NVL: variants seen among roughly 807,000 people sequenced by gnomAD.
NVL encodes nuclear VCP like.
NVL carries 84 observed loss-of-function variants against 110.2 expected under a neutral mutation model. That is an observed-to-expected ratio of 0.76 (90% CI 0.64 to 0.91). The LOEUF is 0.91. NVL is among the 40% of genes least tolerant of loss of function. The pLI is 0.00. For missense variants in NVL, 882 were observed against 1,035.9 expected (o/e 0.85, Z 2.04); for synonymous variants, 354 against 361.1 (o/e 0.98, Z 0.22).
chr1:224,236,123 T>G (rs1660443733), intron 20 of NVL, among the ~76,000 whole-genome samples: 1 of 152,088 alleles, frequency 6.6e-6, no homozygotes, highest in Admixed American at 6.6e-5. Context: ...AAGGCAGAAA[T>G]GTCAGATTTC....
chr1:224,233,584 G>A (rs1327548057), intron 20 of NVL, among the ~76,000 whole-genome samples: 1 of 151,990 alleles, frequency 6.6e-6, no homozygotes, highest in Non-Finnish European at 1.5e-5. Flanking sequence ...ATGGAGAAAT[G>A]CCATATCTAC....
At chr1:224,233,382 AAATAATCAGGAG>A in intron 20 of NVL, 93 bp from the exon 21 acceptor site, 1 of 857,204 alleles carries the variant, frequency 1.2e-6, no homozygotes, top group Middle Eastern at 2.4e-4. Context: ...GTCATATATT[AAATAATCAGGAG>A]AAAAAGTGAC....
Position 224,236,563 on chromosome 1 carries a change from A to G in NVL, c.2309T>C (p.Leu770Pro), listed in dbSNP as rs758743396. ...TGCTTCCAAATTTACATCTGCATCC[A>G]GTGGTGGTTTGGTACCATTCTAAGT... ...TITKNGTKPPLDADVNLEAIA... is the reference protein window; with the variant it reads ...TITKNGTKPPPDADVNLEAIA... The change falls in exon 20 of 23, where the codon CTG becomes CCG. Residue 770 changes from leucine to proline, a missense_variant. Leu to Pro is a moderately conservative substitution (Grantham distance 98). This residue lies in a region of NVL where 126 missense variants were observed against 140.7 expected (regional missense o/e 0.90). Transcript: ENST00000281701. 3 of 1,613,866 alleles carry G rather than the reference A, an allele frequency of 1.9e-6. No individual in the cohort carries two copies. The South Asian group carries it at 3.3e-5, about 18-fold the overall frequency.
chr1:224,299,528 C>T (rs1668193463), intron 10 of NVL, among the ~76,000 whole-genome samples: 1 of 152,150 alleles, frequency 6.6e-6, no homozygotes, highest in Non-Finnish European at 1.5e-5. Flanking sequence ...TGGCTCAGTA[C>T]TGGTTTAGTG....
chr1:224,270,533 G>A (rs1352319736), intron 17 of NVL, among the ~76,000 whole-genome samples: 1 of 152,086 alleles, frequency 6.6e-6, no homozygotes, highest in African/African-American at 2.4e-5. Context: ...ATTCCAGCCT[G>A]GGCGACGGAG....
At chr1:224,317,144 A>G (rs1185869830) in intron 4 of NVL, among the ~76,000 whole-genome samples, 1 of 135,202 alleles carries the variant, frequency 7.4e-6, no homozygotes, top group Non-Finnish European at 1.5e-5. Flanking sequence ...ATCTCAAAAG[A>G]AAAAAAAAAA....
At chr1:224,250,462 T>A (rs1662344947) in intron 18 of NVL, 144 bp from the exon 19 acceptor site, 19 of 603,226 alleles carry the variant, frequency 3.1e-5, no homozygotes, top group Non-Finnish European at 4.7e-5. Flanking sequence ...CCTCCCAGGC[T>A]CAGATGATTC....
rs185733005 is a variant in NVL at position 224,263,936 on chromosome 1, A to G, written c.2182+4098T>C. Among the ~76,000 whole-genome samples the G allele has an allele frequency of 6.2e-3, 945 of 152,280 alleles. 5 individuals carry two copies. The highest frequency in any genetic ancestry group is 0.021 in the African/African-American group (883 of 41,566). ...AGGCTGAGGCAGGAGAATCACTTGA[A>G]CCTGGGAGGCAGAAGTTGCGGTGAG... On this transcript the variant is annotated intron_variant, in intron 18 of 22. Transcript: ENST00000281701.
intron 18 of NVL, among the ~76,000 whole-genome samples, chr1:224,261,036 C>G (rs1290355348): frequency 1.3e-5 from 2 of 152,038 alleles, no homozygotes; most frequent in African/African-American, 4.8e-5. Context: ...CTACCACGCC[C>G]AGCTGATTTT....
rs756639255 is a variant in NVL at position 224,317,704 on chromosome 1, C to T, written c.274G>A (p.Glu92Lys). The T allele has an allele frequency of 3.1e-6, 5 of 1,592,700 alleles. No homozygotes were observed. In the Admixed American group the frequency reaches 6.7e-5, roughly 21 times the overall value. ...ATTTGGTATACTTACTCATTATCCT[C>T]TTCACCTTGTCTTGCCCTTTTTGCC... is the stretch of plus-strand genomic sequence containing the variant. ...HLAKRARQGE[E>K]DNEYTESYSD... The change falls in exon 4 of 23, where the codon GAG (glutamate) becomes AAG (lysine). Residue 92 changes from glutamate (E) to lysine (K), a missense_variant. Glu to Lys is a moderately conservative substitution (Grantham distance 56, BLOSUM62 1). Around this residue, in one of 4 missense-constraint regions of NVL, gnomAD observed 274 missense variants for 268.4 expected, o/e 1.02. Coordinates refer to ENST00000281701, the MANE Select transcript of NVL (RefSeq NM_002533.4).
intron 22 of NVL, among the ~76,000 whole-genome samples, chr1:224,229,907 G>C (rs1399558197): frequency 6.6e-6 from 1 of 151,924 alleles, no homozygotes; most frequent in Non-Finnish European, 1.5e-5. Context: ...TCATGGCTCA[G>C]TGTAGCCTCA....
chr1:224,238,186 A>C (rs1571777282), intron 19 of NVL, among the ~76,000 whole-genome samples: 1 of 151,744 alleles, frequency 6.6e-6, no homozygotes, highest in Non-Finnish European at 1.5e-5. Flanking sequence ...GGCACCCACC[A>C]CACACCTGGC....
chr1:224,233,312 T>C (rs749973093), intron 20 of NVL, 23 bp from the exon 21 acceptor site: 23 of 1,568,766 alleles, frequency 1.5e-5, no homozygotes, highest in Non-Finnish European at 2.0e-5. Context: ...AATAGTTATC[T>C]ACTTATTCTT....
intron 2 of NVL, among the ~76,000 whole-genome samples, chr1:224,321,245 C>A (rs528865081): frequency 6.6e-6 from 1 of 151,170 alleles, no homozygotes; most frequent in East Asian, 2.0e-4. Flanking sequence ...ACTGTGTCTC[C>A]AAAAAATAAA....
chr1:224,304,730 A>T lies in NVL; in HGVS notation c.825+6T>A, dbSNP rs1023762983. 2 of 1,609,980 alleles carry T rather than the reference A, an allele frequency of 1.2e-6. No homozygotes were observed. Among genetic ancestry groups the T allele is most frequent in the Non-Finnish European group, 1.7e-6 (2 of 1,176,602 alleles). On this transcript the variant is annotated splice_donor_region_variant and intron_variant, in intron 8 of 22. Transcript: ENST00000281701. The stretch of plus-strand genomic sequence containing the variant: ...ATTTGAGGTAAAATTCAGAATTTGC[A>T]CTAACTTTTAATGTCATATCATTGC...
chr1:224,264,429 G>T (rs1362414197), intron 18 of NVL, among the ~76,000 whole-genome samples: 1 of 151,940 alleles, frequency 6.6e-6, no homozygotes, highest in African/African-American at 2.4e-5. Flanking sequence ...TGTATTATTA[G>T]TAGAGATGGA....
Position 224,237,730 on chromosome 1 carries a change from C to CTTTTTTTTTTTTTTTTTT in NVL, c.2290-1149_2290-1148insAAAAAAAAAAAAAAAAAA, listed in dbSNP as rs775411063. Among the ~76,000 whole-genome samples, 2 of 130,100 alleles carry CTTTTTTTTTTTTTTTTTT rather than the reference C, an allele frequency of 1.5e-5. 1 individual carries two copies. The allele number at this position is 130,100 out of a possible 152,430, so 85.4% of individuals were successfully genotyped here. A position where few individuals can be genotyped will look rare whatever the true frequency, so the allele number is the denominator to read the frequency against. ...AACTACATGCCACCATGCCTGGCTA[C>CTTTTTTTTTTTTTTTTTT]TTTTTTTTTTTTTTGAGACAGTCTC... On this transcript the variant is annotated intron_variant, in intron 19 of 22. Coordinates refer to ENST00000281701, the MANE Select transcript of NVL (RefSeq NM_002533.4).
intron 11 of NVL, among the ~76,000 whole-genome samples, chr1:224,295,804 C>A (rs1667820215): frequency 6.6e-6 from 1 of 150,956 alleles, no homozygotes; most frequent in Non-Finnish European, 1.5e-5. Context: ...ATGGAAACAC[C>A]CCGTCTCAAA....
At chr1:224,228,893 C>T (rs1398912384) in intron 22 of NVL, among the ~76,000 whole-genome samples, 7 of 125,910 alleles carry the variant, frequency 5.6e-5, no homozygotes, top group African/African-American at 2.2e-4. Flanking sequence ...GAGCCGAGAT[C>T]GCGCCATTGC....
Sources: gnomAD v4.1 joint callset for allele counts (sites outside exome capture counted in the v4.1 genomes callset) on GRCh38, gnomAD v4.1.1 for gene constraint, gnomAD v4.1.1 regional missense constraint, MANE v1.5 for transcripts, NCBI Gene and HGNC (gene_info 2026-07-23, HGNC 2026-07-21) for gene names.